The following LSAMP variants were observed in gnomAD, a reference collection of about 807,000 sequenced individuals.
LSAMP encodes limbic system associated membrane protein, also known as limbic system-associated membrane protein.
LSAMP carries 7 observed loss-of-function variants against 38.6 expected under a neutral mutation model. That is an observed-to-expected ratio of 0.18 (90% CI 0.10 to 0.34). The LOEUF is 0.34. LSAMP is among the 10% of genes least tolerant of loss of function. LSAMP has a pLI of 1.00. For synonymous variants in LSAMP, 154 were observed against 166.8 expected (o/e 0.92, Z 0.59); for missense variants, 313 against 420.0 (o/e 0.75, Z 2.23).
intron 3 of LSAMP, among the ~76,000 whole-genome samples, chr3:115,887,793 C>T (rs527987613): frequency 2.6e-5 from 4 of 151,900 alleles, no homozygotes; most frequent in East Asian, 3.9e-4. Context: ...TTAGAGCAGG[C>T]GACCTTGGGG....
intron 3 of LSAMP, among the ~76,000 whole-genome samples, chr3:115,879,990 A>G (rs1298442139): frequency 2.6e-5 from 4 of 152,182 alleles, no homozygotes; most frequent in Non-Finnish European, 4.4e-5. Context: ...CTAATTAGGT[A>G]TAAGAATTAA....
intron 1 of LSAMP, among the ~76,000 whole-genome samples, chr3:116,345,950 G>T (rs1326204898): frequency 6.6e-6 from 1 of 152,162 alleles, no homozygotes; most frequent in African/African-American, 2.4e-5. Context: ...CCATTACTGT[G>T]AATGCCATAC....
chr3:115,818,570 T>C (rs530606404), intron 6 of LSAMP, among the ~76,000 whole-genome samples: 2 of 151,652 alleles, frequency 1.3e-5, no homozygotes, highest in East Asian at 3.9e-4. Flanking sequence ...TTAATCAACA[T>C]ACTATACTTA....
chr3:116,185,821 C>G (rs779947177), intron 1 of LSAMP, among the ~76,000 whole-genome samples: 3 of 151,576 alleles, frequency 2.0e-5, no homozygotes, highest in Non-Finnish European at 2.9e-5. Flanking sequence ...GTTTCCTGCT[C>G]CACACCCAGT....
chr3:116,240,389 G>C (rs1242787962), intron 1 of LSAMP, among the ~76,000 whole-genome samples: 2 of 152,118 alleles, frequency 1.3e-5, no homozygotes, highest in African/African-American at 4.8e-5. Flanking sequence ...AAAAAGGTCA[G>C]GGGAGCAATC....
intron 3 of LSAMP, among the ~76,000 whole-genome samples, chr3:116,019,079 C>G (rs1336301701): frequency 6.9e-6 from 1 of 145,966 alleles, no homozygotes; most frequent in Non-Finnish European, 1.5e-5. Context: ...TGCCCCAAGA[C>G]ACTGAATCAC....
At chr3:115,831,756 C>G (rs938522) in intron 6 of LSAMP, among the ~76,000 whole-genome samples, 1 of 151,932 alleles carries the variant, frequency 6.6e-6, no homozygotes, top group Admixed American at 6.6e-5. Context: ...AATAAATAAA[C>G]CTAAATTAAA....
chr3:115,841,405 T>A (rs1443314843), intron 6 of LSAMP, among the ~76,000 whole-genome samples: 1 of 152,214 alleles, frequency 6.6e-6, no homozygotes, highest in African/African-American at 2.4e-5. Context: ...CTCTCCCTTC[T>A]CTCAGCACCT....
chr3:116,300,251 C>T (rs942072319), intron 1 of LSAMP, among the ~76,000 whole-genome samples: 13 of 152,314 alleles, frequency 8.5e-5, no homozygotes, highest in South Asian at 6.2e-4. Flanking sequence ...GCAGCAGCAT[C>T]GTGCTGCATC....
intron 1 of LSAMP, among the ~76,000 whole-genome samples, chr3:116,357,912 A>C (rs1198871557): frequency 1.3e-5 from 2 of 148,300 alleles, no homozygotes; most frequent in Non-Finnish European, 3.0e-5. Context: ...TAAAACACAG[A>C]ATTAAAAAAA....
chr3:115,885,720 A>G (rs1463339378), intron 3 of LSAMP, among the ~76,000 whole-genome samples: 1 of 151,638 alleles, frequency 6.6e-6, no homozygotes, highest in Non-Finnish European at 1.5e-5. Context: ...CTTCTTATCA[A>G]TCGGAATACT....
intron 1 of LSAMP, among the ~76,000 whole-genome samples, chr3:116,292,214 G>C (rs1413278208): frequency 6.6e-6 from 1 of 151,990 alleles, no homozygotes; most frequent in Non-Finnish European, 1.5e-5. Context: ...CACTGACAAG[G>C]CTCCTAATCT....
intron 3 of LSAMP, among the ~76,000 whole-genome samples, chr3:115,984,369 A>G (rs973727923): frequency 2.0e-5 from 3 of 152,226 alleles, no homozygotes; most frequent in East Asian, 3.8e-4. Flanking sequence ...CTCAAGATAT[A>G]GGTCTAGGCT....
chr3:116,000,692 C>T (rs1181688050), intron 3 of LSAMP, among the ~76,000 whole-genome samples: 1 of 152,138 alleles, frequency 6.6e-6, no homozygotes, highest in African/African-American at 2.4e-5. Context: ...TCAAGTAACA[C>T]ATGTTATCAG....
intron 1 of LSAMP, among the ~76,000 whole-genome samples, chr3:116,232,034 G>A (rs759448421): frequency 2.0e-5 from 3 of 152,110 alleles, no homozygotes; most frequent in Non-Finnish European, 2.9e-5. Context: ...AACCAGAAAC[G>A]TATTTCTACA....
At chr3:116,065,118 A>C (rs1439603701) in intron 2 of LSAMP, among the ~76,000 whole-genome samples, 1 of 152,308 alleles carries the variant, frequency 6.6e-6, no homozygotes, top group African/African-American at 2.4e-5. Context: ...AACATATCCC[A>C]AAAAAAGTCT....
At chr3:116,079,054 A>G (rs1707813857) in intron 2 of LSAMP, among the ~76,000 whole-genome samples, 2 of 152,190 alleles carry the variant, frequency 1.3e-5, no homozygotes, top group Non-Finnish European at 2.9e-5. Flanking sequence ...AATCATTAAT[A>G]ACTTCAATTT....
chr3:116,002,515 T>C (rs1576298243), intron 3 of LSAMP, among the ~76,000 whole-genome samples: 1 of 152,010 alleles, frequency 6.6e-6, no homozygotes, highest in African/African-American at 2.4e-5. Flanking sequence ...TACATCCCTC[T>C]GTACATTGCT....
intron 1 of LSAMP, among the ~76,000 whole-genome samples, chr3:116,261,391 G>A (rs1378126736): frequency 6.6e-6 from 1 of 152,188 alleles, no homozygotes; most frequent in Non-Finnish European, 1.5e-5. Context: ...ATAATAGCAT[G>A]TGTCTGTTGG....
Sources: allele counts gnomAD v4.1 joint callset (sites outside exome capture counted in the v4.1 genomes callset), GRCh38; gene constraint gnomAD v4.1.1; transcripts MANE v1.5; gene names NCBI Gene and HGNC (gene_info 2026-07-23, HGNC 2026-07-21).